The following CDK14 variants were observed in gnomAD, a reference collection of about 807,000 sequenced individuals.
The protein encoded by CDK14 is cyclin dependent kinase 14, also known as cyclin-dependent kinase 14.
CDK14 carries 34 observed loss-of-function variants against 60.7 expected under a neutral mutation model. That is an observed-to-expected ratio of 0.56 (90% CI 0.43 to 0.75). The LOEUF is 0.75. CDK14 is among the 30% of genes least tolerant of loss of function. The pLI, the probability that CDK14 is intolerant of heterozygous loss-of-function variation, is 0.00. For missense variants in CDK14, 482 were observed against 564.1 expected, an observed-to-expected ratio of 0.85 and a Z score of 1.47; for synonymous variants, 197 against 203.7, an observed-to-expected ratio of 0.97 and a Z score of 0.28.
chr7:91,090,746 T>C lies in CDK14; in HGVS notation c.1154+11266T>C, dbSNP rs73400955. 8.1e-3 allele frequency among the ~76,000 whole-genome samples: 1,232 copies of C among 152,298 alleles called. 18 individuals carry two copies. The highest frequency in any genetic ancestry group is 0.027 in the African/African-American group (1,140 of 41,576). On this transcript the variant is annotated intron_variant, in intron 12 of 14. Coordinates refer to ENST00000380050, the MANE Select transcript of CDK14 (RefSeq NM_001287135.2). Reference sequence around the variant, plus strand: ...TCAGAACATCCGAGAGATTTTCCATTTTCAAATTCTTCGATTTTGTTGAAT... The same window carrying C: ...TCAGAACATCCGAGAGATTTTCCATCTTCAAATTCTTCGATTTTGTTGAAT...
At position 90,771,120 on chromosome 7, in the gene CDK14, A is replaced by G. The variant is rs182637875; in HGVS notation, c.465-19453A>G. Among the ~76,000 whole-genome samples the G allele has an allele frequency of 2.7e-3, 410 of 152,318 alleles. 5 individuals carry two copies. The highest frequency in any genetic ancestry group is 9.3e-3 in the African/African-American group (386 of 41,566). ...CCAATCCCCCAGCCTGCTTCTGTCT[A>G]TAAGTCCTCACTTGTTCTTTGTATC... On this transcript the variant is annotated intron_variant, in intron 4 of 14. Transcript: ENST00000380050.
intron 4 of CDK14, among the ~76,000 whole-genome samples, chr7:90,750,716 C>T (rs1413959829): frequency 6.6e-6 from 1 of 151,764 alleles, no homozygotes; most frequent in Non-Finnish European, 1.5e-5. Context: ...CTACTAAAAA[C>T]AGAAAAATTA....
intron 4 of CDK14, among the ~76,000 whole-genome samples, chr7:90,780,897 T>G (rs1255546460): frequency 6.6e-6 from 1 of 152,076 alleles, no homozygotes; most frequent in Non-Finnish European, 1.5e-5. Context: ...GCATGATTTA[T>G]AATCCTTTGG....
intron 2 of CDK14, among the ~76,000 whole-genome samples, chr7:90,719,237 A>G (rs949428703): frequency 2.6e-5 from 4 of 152,184 alleles, no homozygotes; most frequent in Admixed American, 6.5e-5. Context: ...CGCATGATAC[A>G]TATTTGCTGT....
Position 90,848,427 on chromosome 7 carries a change from G to T in CDK14, c.545-14748G>T, listed in dbSNP as rs78028422. 7.0e-4 allele frequency among the ~76,000 whole-genome samples: 106 copies of T among 152,344 alleles called. 1 individual carries two copies. In the East Asian group the frequency reaches 0.016, roughly 23 times the overall value. On this transcript the variant is annotated intron_variant, in intron 5 of 14. Transcript: ENST00000380050. ...GTTTTCTCAGACTTTAAACTCTGCA[G>T]TGTTTCAGGTAGAAGCCTGGCAGTA...
At chr7:91,035,998 C>T (rs571005077) in intron 10 of CDK14, among the ~76,000 whole-genome samples, 39 of 152,164 alleles carry the variant, frequency 2.6e-4, no homozygotes, top group East Asian at 3.9e-4. Context: ...CGCCTGCCAC[C>T]GCACCCGGCT....
chr7:90,639,736 G>GGCA lies in CDK14; in HGVS notation c.123+35489_123+35491dup, dbSNP rs1039619788. ...TGCCCCCAGAGGTGGAGCCTACAGA[G>GGCA]GCAGGCAGGCCTCCTTGAGCTGTGT... On this transcript the variant is annotated intron_variant, in intron 2 of 14. Coordinates refer to ENST00000380050, the MANE Select transcript of CDK14 (RefSeq NM_001287135.2). 8.1e-4 allele frequency among the ~76,000 whole-genome samples: 123 copies of GGCA among 150,946 alleles called. 1 individual carries two copies. The highest frequency in any genetic ancestry group is 3.4e-3 in the Middle Eastern group (1 of 294).
chr7:90,892,064 G>A (rs144977303), intron 6 of CDK14, among the ~76,000 whole-genome samples: 128 of 152,288 alleles, frequency 8.4e-4, no homozygotes, highest in African/African-American at 3.0e-3. Flanking sequence ...ACTTGTTTCT[G>A]CCCTGGAAAT....
At chr7:91,188,556 A>T (rs193020759) in intron 14 of CDK14, among the ~76,000 whole-genome samples, 1 of 151,800 alleles carries the variant, frequency 6.6e-6, no homozygotes, top group Non-Finnish European at 1.5e-5. Flanking sequence ...GGATGGATGG[A>T]TGGATGGATA....
At chr7:90,874,614 C>T (rs181590583) in intron 6 of CDK14, among the ~76,000 whole-genome samples, 8,935 of 143,188 alleles carry the variant, frequency 0.062, 381 homozygotes, top group South Asian at 0.092. Context: ...CTGCAAGCTC[C>T]GCTTCCCGGG....
chr7:90,688,419 G>T (rs911752736), intron 2 of CDK14, among the ~76,000 whole-genome samples: 9 of 152,048 alleles, frequency 5.9e-5, no homozygotes, highest in Non-Finnish European at 7.4e-5. Context: ...TTCTCTTAGG[G>T]TCATAATTAG....
At chr7:90,803,379 G>A (rs1228800903) in intron 5 of CDK14, among the ~76,000 whole-genome samples, 1 of 152,040 alleles carries the variant, frequency 6.6e-6, no homozygotes, top group African/African-American at 2.4e-5. Flanking sequence ...AAAAATTAAT[G>A]GGCCTCTAAA....
At chr7:90,627,907 C>G (rs1445704056) in intron 2 of CDK14, among the ~76,000 whole-genome samples, 2 of 152,188 alleles carry the variant, frequency 1.3e-5, no homozygotes, top group Admixed American at 6.5e-5. Context: ...AAATCTACTG[C>G]AAAGCTGTGA....
chr7:90,734,094 C>A (rs1802985670), intron 3 of CDK14, among the ~76,000 whole-genome samples: 1 of 152,168 alleles, frequency 6.6e-6, no homozygotes, highest in Admixed American at 6.5e-5. Flanking sequence ...ATATGAAATT[C>A]TGGGTTGAAA....
intron 2 of CDK14, among the ~76,000 whole-genome samples, chr7:90,722,749 C>A (rs1802503024): frequency 6.6e-6 from 1 of 151,938 alleles, no homozygotes; most frequent in Non-Finnish European, 1.5e-5. Context: ...GTGCCATAGT[C>A]AGATCCATTA....
chr7:90,617,519 C>T (rs1305063980), intron 2 of CDK14, among the ~76,000 whole-genome samples: 13 of 152,012 alleles, frequency 8.6e-5, no homozygotes, highest in Non-Finnish European at 1.5e-4. Flanking sequence ...TGCCATAGAT[C>T]TATGTCATTT....
At chr7:91,005,607 C>G (rs969427833) in intron 10 of CDK14, among the ~76,000 whole-genome samples, 1 of 152,138 alleles carries the variant, frequency 6.6e-6, no homozygotes, top group Admixed American at 6.5e-5. Context: ...GTTATAGCTC[C>G]TAGTCCAAGC....
intron 2 of CDK14, among the ~76,000 whole-genome samples, chr7:90,684,757 G>A (rs1288845785): frequency 6.6e-6 from 1 of 152,090 alleles, no homozygotes; most frequent in African/African-American, 2.4e-5. Flanking sequence ...CGTGTTTATG[G>A]TTCTTTAAAA....
intron 10 of CDK14, among the ~76,000 whole-genome samples, chr7:90,999,763 C>T (rs1183834253): frequency 2.0e-5 from 3 of 152,114 alleles, no homozygotes; most frequent in Admixed American, 6.5e-5. Context: ...GTAAGAAATG[C>T]GATACCGTAT....
Sources: gnomAD v4.1 joint callset for allele counts (sites outside exome capture counted in the v4.1 genomes callset) on GRCh38, gnomAD v4.1.1 for gene constraint, MANE v1.5 for transcripts, NCBI Gene and HGNC (gene_info 2026-07-23, HGNC 2026-07-21) for gene names.